The following KAZN variants were observed in gnomAD, a reference collection of about 807,000 sequenced individuals.
The protein encoded by KAZN is kazrin.
A neutral mutation model predicts 87.4 loss-of-function variants in KAZN; 40 were observed. The ratio of observed to expected loss-of-function variants is 0.46; its 90% CI spans 0.36 to 0.60. The LOEUF (loss-of-function observed/expected upper bound fraction) is 0.60, where lower values mean the gene tolerates loss of function less well. Ranked by LOEUF, KAZN falls within the 20% of genes least tolerant of loss-of-function variation. The pLI is 0.00. For missense variants in KAZN, 898 were observed against 1,073.9 expected (o/e 0.84, Z 2.29); for synonymous variants, 466 against 458.3 (o/e 1.02, Z -0.22).
rs549633121 is a variant in KAZN at position 15,051,099 on chromosome 1, C to T, written c.727-4992C>T. Reference sequence around the variant, plus strand: ...CATCCGCACAGGAGCACCAGCCTTCCGATGTCTGCTCAGAGGCTCCTGCCT... The same window carrying T: ...CATCCGCACAGGAGCACCAGCCTTCTGATGTCTGCTCAGAGGCTCCTGCCT... On this transcript the variant is annotated intron_variant, in intron 4 of 14. Coordinates refer to ENST00000376030, the MANE Select transcript of KAZN (RefSeq NM_201628.3). Among the ~76,000 whole-genome samples, 5 of 152,370 alleles carry T rather than the reference C, an allele frequency of 3.3e-5. No homozygotes were observed. In the East Asian group the frequency reaches 9.7e-4, roughly 29 times the overall value.
intron 1 of KAZN, among the ~76,000 whole-genome samples, chr1:14,781,279 G>A (rs1228033406): frequency 1.3e-5 from 2 of 152,212 alleles, no homozygotes; most frequent in East Asian, 1.9e-4. Flanking sequence ...CCGAGATCGC[G>A]CCACTGCGCT....
intron 1 of KAZN, among the ~76,000 whole-genome samples, chr1:14,682,014 C>G (rs983482420): frequency 6.6e-6 from 1 of 152,038 alleles, no homozygotes; most frequent in South Asian, 2.1e-4. Context: ...ATGTATTGTT[C>G]AGCAGCATTA....
At chr1:15,114,034 G>C (rs539120413) in intron 14 of KAZN, 1 of 156,496 alleles carries the variant, frequency 6.4e-6, no homozygotes, top group African/African-American at 2.4e-5. Flanking sequence ...TCCAAAACTC[G>C]CATTCTTTCT....
At chr1:14,040,171 C>T (rs184289437) in intron 1 of KAZN, among the ~76,000 whole-genome samples, 4 of 152,142 alleles carry the variant, frequency 2.6e-5, no homozygotes, top group Admixed American at 2.0e-4. Flanking sequence ...GTTTACCTGG[C>T]TCAGGCAATA....
At chr1:14,586,636 C>A (rs991419763) in intron 2 of KAZN, among the ~76,000 whole-genome samples, 2 of 151,004 alleles carry the variant, frequency 1.3e-5, no homozygotes, top group African/African-American at 4.9e-5. Context: ...ACTCAAGTGA[C>A]CCTCCGGCTT....
At chr1:15,085,991 G>C (rs1348930739) in intron 8 of KAZN, among the ~76,000 whole-genome samples, 1 of 148,590 alleles carries the variant, frequency 6.7e-6, no homozygotes, top group African/African-American at 2.6e-5. Context: ...ATTTTTTTGA[G>C]ACAGAGTTTT....
At chr1:14,906,615 A>T (rs892624049) in intron 1 of KAZN, among the ~76,000 whole-genome samples, 1 of 152,036 alleles carries the variant, frequency 6.6e-6, no homozygotes, top group Non-Finnish European at 1.5e-5. Flanking sequence ...CACAAAACAT[A>T]TAAAGGGAAT....
At chr1:14,049,790 G>C (rs1382353530) in intron 1 of KAZN, among the ~76,000 whole-genome samples, 1 of 152,220 alleles carries the variant, frequency 6.6e-6, no homozygotes, top group Non-Finnish European at 1.5e-5. Flanking sequence ...AGGGAAACCA[G>C]ACAGTGCCCT....
chr1:14,490,483 T>TG (rs1350660404), intron 2 of KAZN, among the ~76,000 whole-genome samples: 1 of 152,078 alleles, frequency 6.6e-6, no homozygotes, highest in Non-Finnish European at 1.5e-5. Flanking sequence ...TTTGTTTGTT[T>TG]TTTTGGTTTG....
intron 1 of KAZN, among the ~76,000 whole-genome samples, chr1:14,109,813 CGA>C (rs1557482841): frequency 0.016 from 1,982 of 121,684 alleles, 2 homozygotes; most frequent in East Asian, 0.039. Flanking sequence ...CTTATCAAAA[CGA>C]TTTCAGCGTC....
chr1:14,843,936 G>T (rs1648349303), intron 1 of KAZN, among the ~76,000 whole-genome samples: 2 of 152,152 alleles, frequency 1.3e-5, no homozygotes, highest in South Asian at 4.1e-4. Flanking sequence ...TTGCAACATT[G>T]CCAATGCTTG....
chr1:14,365,126 C>T (rs961818789), intron 2 of KAZN, among the ~76,000 whole-genome samples: 2 of 151,794 alleles, frequency 1.3e-5, no homozygotes, highest in Non-Finnish European at 2.9e-5. Context: ...TCACTGCAAA[C>T]TCCGCCTCCC....
chr1:14,247,607 G>C (rs1649633034), intron 2 of KAZN, among the ~76,000 whole-genome samples: 1 of 152,136 alleles, frequency 6.6e-6, no homozygotes, highest in Admixed American at 6.5e-5. Flanking sequence ...TAGACCAATA[G>C]GTAAAGAAAT....
intron 1 of KAZN, among the ~76,000 whole-genome samples, chr1:14,908,956 C>G (rs901902257): frequency 3.9e-5 from 6 of 151,996 alleles, no homozygotes; most frequent in African/African-American, 1.5e-4. Context: ...GCATTCCAGC[C>G]TGGGTGACAG....
chr1:14,273,843 T>C (rs1032953848), intron 2 of KAZN, among the ~76,000 whole-genome samples: 4 of 152,194 alleles, frequency 2.6e-5, no homozygotes, highest in Non-Finnish European at 5.9e-5. Context: ...GTATTTTTTT[T>C]TTTTGATTAT....
intron 1 of KAZN, among the ~76,000 whole-genome samples, chr1:14,626,520 G>A (rs966690936): frequency 8.5e-5 from 13 of 152,138 alleles, no homozygotes; most frequent in East Asian, 1.9e-4. Flanking sequence ...TTACCATCCC[G>A]GCTGGGGGTC....
At chr1:14,003,460 A>C (rs1639895885) in intron 1 of KAZN, among the ~76,000 whole-genome samples, 3 of 152,106 alleles carry the variant, frequency 2.0e-5, no homozygotes, top group Non-Finnish European at 4.4e-5. Flanking sequence ...AAATAGATGA[A>C]GGACTTAGAC....
At chr1:14,193,338 A>G (rs2100369735) in intron 2 of KAZN, among the ~76,000 whole-genome samples, 1 of 152,300 alleles carries the variant, frequency 6.6e-6, no homozygotes, top group South Asian at 2.1e-4. Context: ...AGAGACAAAT[A>G]TGCACAGAGG....
chr1:14,058,165 A>G (rs544314857), intron 1 of KAZN, among the ~76,000 whole-genome samples: 23 of 151,424 alleles, frequency 1.5e-4, no homozygotes, highest in Admixed American at 5.9e-4. Context: ...ACCTTCCCCC[A>G]CTATCCCATA....
Sources: gnomAD v4.1 joint callset for allele counts (sites outside exome capture counted in the v4.1 genomes callset) on GRCh38, gnomAD v4.1.1 for gene constraint, MANE v1.5 for transcripts, NCBI Gene and HGNC (gene_info 2026-07-23, HGNC 2026-07-21) for gene names.